Variants in RSRC1 observed in about 807,000 individuals in gnomAD.
RSRC1 encodes serine/Arginine-related protein 53.
Under a neutral mutation model 49.1 loss-of-function variants are expected in RSRC1, and 39 were observed. That is an observed-to-expected ratio of 0.79 (90% CI 0.61 to 1.04). The LOEUF is 1.04. Ranked by LOEUF, RSRC1 falls within the 50% of genes least tolerant of loss-of-function variation. RSRC1 has a pLI of 0.00. For missense variants in RSRC1, 388 were observed against 402.4 expected (o/e 0.96, Z 0.31); for synonymous variants, 143 against 130.8 (o/e 1.09, Z -0.63).
At chr3:158,394,486 A>G (rs971107611) in intron 6 of RSRC1, among the ~76,000 whole-genome samples, 1 of 152,256 alleles carries the variant, frequency 6.6e-6, no homozygotes, top group South Asian at 2.1e-4. Flanking sequence ...CTGGAGTTTC[A>G]GCAAACTTCC....
intron 3 of RSRC1, among the ~76,000 whole-genome samples, chr3:158,135,845 A>G (rs1303395104): frequency 2.0e-5 from 3 of 152,162 alleles, no homozygotes; most frequent in Non-Finnish European, 4.4e-5. Flanking sequence ...ACCCTTGAAC[A>G]TGTGGTGGTT....
chr3:158,316,009 T>A (rs1255344188), intron 5 of RSRC1, among the ~76,000 whole-genome samples: 1 of 151,678 alleles, frequency 6.6e-6, no homozygotes, highest in African/African-American at 2.4e-5. Flanking sequence ...CCGTCTCCAC[T>A]AAAAATAAAA....
At chr3:158,533,038 A>G (rs1389305170) in intron 7 of RSRC1, among the ~76,000 whole-genome samples, 1 of 151,738 alleles carries the variant, frequency 6.6e-6, no homozygotes, top group Non-Finnish European at 1.5e-5. Context: ...AACGTAATAT[A>G]TATTATTGAT....
intron 6 of RSRC1, among the ~76,000 whole-genome samples, chr3:158,421,914 C>T (rs2108339219): frequency 6.6e-6 from 1 of 151,820 alleles, no homozygotes; most frequent in African/African-American, 2.4e-5. Context: ...TGAGCTTTTG[C>T]TGTGTGGTTC....
intron 3 of RSRC1, among the ~76,000 whole-genome samples, chr3:158,202,368 T>C (rs1443595259): frequency 6.6e-6 from 1 of 151,204 alleles, no homozygotes; most frequent in African/African-American, 2.4e-5. Context: ...ATCATAAAGG[T>C]TGTCATCCTC....
At chr3:158,298,705 G>C in intron 5 of RSRC1, among the ~76,000 whole-genome samples, 1 of 152,116 alleles carries the variant, frequency 6.6e-6, no homozygotes, top group African/African-American at 2.4e-5. Context: ...TGAGCCCACT[G>C]TATTGAGTGT....
rs538974341 is a variant in RSRC1 at position 158,472,651 on chromosome 3, G to A, written c.652+11648G>A. 5.3e-5 allele frequency among the ~76,000 whole-genome samples: 8 copies of A among 152,262 alleles called. 1 individual carries two copies. The South Asian group carries it at 1.7e-3, about 32-fold the overall frequency. On this transcript the variant is annotated intron_variant, in intron 7 of 9. Transcript: ENST00000611884. ...GCATAAATGTCTTCTTTTGAGAAGT[G>A]TCTGTTCATATCCTTTGCCCACTTT...
intron 3 of RSRC1, among the ~76,000 whole-genome samples, chr3:158,162,070 A>G (rs1255956474): frequency 6.6e-6 from 1 of 152,174 alleles, no homozygotes; most frequent in African/African-American, 2.4e-5. Context: ...AGCTCTGCCT[A>G]TGGTGGGAGT....
intron 5 of RSRC1, among the ~76,000 whole-genome samples, chr3:158,329,173 T>C (rs1205078342): frequency 6.6e-6 from 1 of 152,244 alleles, no homozygotes; most frequent in Non-Finnish European, 1.5e-5. Context: ...TTCTTTGCAT[T>C]GGGATCGAAC....
chr3:158,521,514 C>T (rs564459796), intron 7 of RSRC1, among the ~76,000 whole-genome samples: 1 of 152,164 alleles, frequency 6.6e-6, no homozygotes, highest in East Asian at 1.9e-4. Context: ...GCTGAAATGC[C>T]ACCTCTGCCC....
intron 6 of RSRC1, among the ~76,000 whole-genome samples, chr3:158,358,943 C>T (rs1731321515): frequency 6.6e-6 from 1 of 151,876 alleles, no homozygotes; most frequent in Non-Finnish European, 1.5e-5. Flanking sequence ...CACACACACA[C>T]ACACACACAA....
intron 4 of RSRC1, among the ~76,000 whole-genome samples, chr3:158,266,477 A>G (rs746221210): frequency 1.8e-4 from 27 of 152,128 alleles, no homozygotes; most frequent in Non-Finnish European, 2.8e-4. Flanking sequence ...CTTTTGAAAT[A>G]TATTTATTTA....
At chr3:158,164,259 A>G (rs1481539897) in intron 3 of RSRC1, among the ~76,000 whole-genome samples, 1 of 152,272 alleles carries the variant, frequency 6.6e-6, no homozygotes, top group East Asian at 1.9e-4. Context: ...AGCAGGAGAC[A>G]TCTATCATAT....
intron 5 of RSRC1, among the ~76,000 whole-genome samples, chr3:158,308,222 G>A (rs1357765350): frequency 6.6e-6 from 1 of 151,952 alleles, no homozygotes; most frequent in Non-Finnish European, 1.5e-5. Flanking sequence ...AAGAAATTGT[G>A]CTTGTAGATG....
chr3:158,122,442 T>C (rs1715322850), intron 2 of RSRC1, 144 bp downstream of exon 2: 1 of 568,646 alleles, frequency 1.8e-6, no homozygotes, highest in African/African-American at 2.0e-5. Flanking sequence ...AGTTTTTTTG[T>C]TCCACCAGGT....
rs918762766 is a variant in RSRC1, at chr3:158,415,358, A to C, written c.584-45577A>C. 3.9e-5 allele frequency among the ~76,000 whole-genome samples: 6 copies of C among 152,154 alleles called. No individual in the cohort carries two copies. The East Asian group carries it at 1.2e-3, about 30-fold the overall frequency. On this transcript the variant is annotated intron_variant, in intron 6 of 9. Coordinates refer to ENST00000611884, the MANE Select transcript of RSRC1 (RefSeq NM_001271838.2). Reference sequence around the variant, plus strand: ...ATTTGAAAACTATTGTTTTTTATAGAATGTGAAGCATACTTTTCCAGTCAT... The same window carrying C: ...ATTTGAAAACTATTGTTTTTTATAGCATGTGAAGCATACTTTTCCAGTCAT...
chr3:158,349,226 C>G (rs1012341531), intron 5 of RSRC1, among the ~76,000 whole-genome samples: 1 of 152,172 alleles, frequency 6.6e-6, no homozygotes, highest in African/African-American at 2.4e-5. Flanking sequence ...TCCATGTTAA[C>G]TAACGTCTGT....
chr3:158,297,961 T>C, intron 4 of RSRC1, 78 bp from the exon 5 acceptor site: 1 of 1,024,314 alleles, frequency 9.8e-7, no homozygotes, highest in Admixed American at 1.9e-5. Flanking sequence ...CAAGGGTTTA[T>C]AAAACATTTT....
At chr3:158,238,735 T>C (rs1488754837) in intron 4 of RSRC1, among the ~76,000 whole-genome samples, 8 of 152,178 alleles carry the variant, frequency 5.3e-5, no homozygotes, top group African/African-American at 1.9e-4. Flanking sequence ...ATTGAAGCCT[T>C]AAATGTTAGA....
Sources: allele counts gnomAD v4.1 joint callset (sites outside exome capture counted in the v4.1 genomes callset), GRCh38; gene constraint gnomAD v4.1.1; transcripts MANE v1.5; gene names NCBI Gene and HGNC (gene_info 2026-07-23, HGNC 2026-07-21).